The following MCM3AP variants were observed in gnomAD, a reference collection of about 807,000 sequenced individuals.
The protein encoded by MCM3AP is minichromosome maintenance complex component 3 associated protein.
MCM3AP carries 126 observed loss-of-function variants against 184.1 expected under a neutral mutation model. The ratio of observed to expected loss-of-function variants is 0.68; its 90% CI spans 0.59 to 0.79. The LOEUF is 0.79. Among genes scored for constraint, MCM3AP ranks in the 30% least tolerant of loss-of-function variants. The pLI is 0.00. For synonymous variants in MCM3AP, 1,002 were observed against 979.3 expected (o/e 1.02, Z -0.43); for missense variants, 2,496 against 2,479.2 (o/e 1.01, Z -0.14).
intron 25 of MCM3AP, chr21:46,242,463 T>TC (rs2080684366): frequency 6.0e-6 from 1 of 167,516 alleles, no homozygotes; most frequent in Non-Finnish European, 1.3e-5. Context: ...ATTACATTAA[T>TC]AGATTTTCAC....
chr21:46,260,990 C>T lies in MCM3AP; in HGVS notation c.3468-84G>A, dbSNP rs150325778. ...TTGTTTTACTCCCTGGCCACGCAGA[C>T]AGGGATTGAGGTGTGCTGCCTGAGT... is the stretch of plus-strand genomic sequence containing the variant. On this transcript the variant is annotated intron_variant, in intron 14 of 27. Coordinates refer to ENST00000291688, the MANE Select transcript of MCM3AP (RefSeq NM_003906.5). The T allele has an allele frequency of 3.4e-4, 385 of 1,143,968 alleles. 2 individuals carry two copies. In the African/African-American group the frequency reaches 5.4e-3, roughly 16 times the overall value. The allele number at this position is 1,143,968 out of a possible 1,614,324, so 70.9% of individuals were successfully genotyped here.
chr21:46,245,857 G>A (rs2123830710), intron 22 of MCM3AP, among the ~76,000 whole-genome samples: 1 of 152,102 alleles, frequency 6.6e-6, no homozygotes, highest in South Asian at 2.1e-4. Context: ...TATATTCAGA[G>A]GACAATTACC....
At chr21:46,283,537 G>A (rs1316844700) in intron 2 of MCM3AP, 78 bp downstream of exon 2, 18 of 917,176 alleles carry the variant, frequency 2.0e-5, no homozygotes, top group Non-Finnish European at 2.9e-5. Context: ...AACAACTGAG[G>A]GACCAAAAAA....
At chr21:46,261,038 C>A in intron 14 of MCM3AP, 132 bp from the exon 15 acceptor site, 1 of 825,632 alleles carries the variant, frequency 1.2e-6, no homozygotes, top group East Asian at 2.6e-5. Flanking sequence ...CCTACTCCAG[C>A]TCCCCTGACA....
chr21:46,258,732 A>AG (rs1465822355), intron 16 of MCM3AP, among the ~76,000 whole-genome samples: 7 of 63,134 alleles, frequency 1.1e-4, no homozygotes, highest in Non-Finnish European at 2.3e-4. Flanking sequence ...TTCCCCTTAT[A>AG]TTGTATGTGT....
chr21:46,243,584 G>C lies in MCM3AP; in HGVS notation c.5177C>G (p.Pro1726Arg), dbSNP rs754325133. The C allele has an allele frequency of 4.6e-5, 74 of 1,614,098 alleles. No individual in the cohort carries two copies. Among genetic ancestry groups the C allele is most frequent in the Non-Finnish European group, 1.0e-5 (12 of 1,180,056 alleles). ...GGGGCCTGCCCCATGGACTGGGGAG[G>C]GACTCTTGCTCTTCCACCTACAGTA... is the stretch of plus-strand genomic sequence containing the variant. ...RTYCRWKSKSPSPVHGAGPSV... is the reference protein window; with the variant it reads ...RTYCRWKSKSRSPVHGAGPSV... The change falls in exon 24 of 28, where the codon CCC becomes CGC. Residue 1726 changes from proline (P) to arginine (R), a missense_variant. By Grantham distance (103) the Pro-to-Arg change is moderately radical (BLOSUM62 -2). Coordinates refer to ENST00000291688, the MANE Select transcript of MCM3AP (RefSeq NM_003906.5).
At chr21:46,265,187 A>C (rs1343062313) in intron 12 of MCM3AP, 134 bp downstream of exon 12, 1 of 728,590 alleles carries the variant, frequency 1.4e-6, no homozygotes, top group Middle Eastern at 3.9e-4. Flanking sequence ...AGGCTGAGTG[A>C]CTCTAGGCAG....
chr21:46,269,680 T>C (rs1317874963), intron 9 of MCM3AP, among the ~76,000 whole-genome samples: 1 of 152,126 alleles, frequency 6.6e-6, no homozygotes, highest in Non-Finnish European at 1.5e-5. Flanking sequence ...TACGGGCTTG[T>C]GGCAAGGAAT....
Position 46,243,625 on chromosome 21 carries a change from G to A in MCM3AP, c.5136C>T (p.Asn1712=), listed in dbSNP as rs1042730707. Residue 1712 remains asparagine, a synonymous_variant, in exon 24 of 28, where the codon AAC becomes AAT. Transcript: ENST00000291688. ...TQPVLQSQVE[N]LLHRTYCRWK... is the part of the protein sequence containing the mutation. The stretch of plus-strand genomic sequence containing the variant: ...ACCTACAGTAGGTTCTGTGGAGCAG[G>A]TTCTCCACCTGGGACTGGAGGACAG... The A allele has an allele frequency of 4.3e-6, 7 of 1,614,102 alleles. No homozygotes were observed. The highest frequency in any genetic ancestry group is 2.2e-5 in the East Asian group (1 of 44,900).
chr21:46,267,360 C>T (rs2081126303), intron 9 of MCM3AP: 3 of 547,766 alleles, frequency 5.5e-6, no homozygotes, highest in South Asian at 2.4e-5. Flanking sequence ...CAAACACTCT[C>T]ATAGAGAAGG....
intron 4 of MCM3AP, among the ~76,000 whole-genome samples, chr21:46,277,975 A>AC (rs1333682721): frequency 6.6e-6 from 1 of 152,078 alleles, no homozygotes; most frequent in African/African-American, 2.4e-5. Context: ...ACATAGGGAG[A>AC]CCCCATCTCT....
At chr21:46,258,853 A>G in intron 16 of MCM3AP, 86 bp downstream of exon 16, 1 of 1,445,736 alleles carries the variant, frequency 6.9e-7, no homozygotes, top group South Asian at 1.2e-5. Context: ...CACTGAATAC[A>G]GAAACTAATA....
chr21:46,273,286 A>G, intron 7 of MCM3AP, 102 bp downstream of exon 7: 1 of 1,198,730 alleles, frequency 8.3e-7, no homozygotes, highest in Non-Finnish European at 1.2e-6. Context: ...ACAAAAGTAC[A>G]TTTTTGTTAC....
chr21:46,281,500 A>G (rs905586311), intron 2 of MCM3AP, among the ~76,000 whole-genome samples: 5 of 152,150 alleles, frequency 3.3e-5, no homozygotes, highest in African/African-American at 1.2e-4. Context: ...GAAAATAAGC[A>G]CATTGCAACA....
intron 7 of MCM3AP, 130 bp downstream of exon 7, chr21:46,273,258 A>T (rs997835392): frequency 2.1e-5 from 18 of 871,544 alleles, no homozygotes; most frequent in Non-Finnish European, 2.7e-5. Flanking sequence ...TACAGGCCTG[A>T]GCCACTGCAC....
intron 13 of MCM3AP, among the ~76,000 whole-genome samples, chr21:46,262,972 A>G (rs929800794): frequency 1.3e-5 from 2 of 149,546 alleles, no homozygotes; most frequent in African/African-American, 2.4e-5. Context: ...TCTCAAAAAA[A>G]AAAAAAAAAA....
chr21:46,254,847 G>A lies in MCM3AP; in HGVS notation c.3933-3C>T. 6.2e-7 allele frequency: 1 copy of A among 1,612,734 alleles called. No homozygotes were observed. The highest frequency in any genetic ancestry group is 8.5e-7 in the Non-Finnish European group (1 of 1,178,802). ...TCTTGTTTCTGAGCCGCCTTAACCT[G>A]CAAAGGAAAGCAGAATGACAGTGTC... On this transcript the variant is annotated splice_region_variant and splice_polypyrimidine_tract_variant and intron_variant, in intron 17 of 27. Coordinates refer to ENST00000291688, the MANE Select transcript of MCM3AP (RefSeq NM_003906.5).
chr21:46,242,637 G>T (rs550678777), intron 25 of MCM3AP, 165 bp downstream of exon 25: 1 of 586,600 alleles, frequency 1.7e-6, no homozygotes, highest in East Asian at 3.2e-5. Context: ...CTTTAACTTT[G>T]TTCTAGAATA....
chr21:46,284,758 T>TA lies in MCM3AP; in HGVS notation c.528dup (p.Thr177TyrfsTer7), dbSNP rs778126344. The TA allele has an allele frequency of 2.5e-6, 4 of 1,613,800 alleles. No individual in the cohort carries two copies. Among genetic ancestry groups the TA allele is most frequent in the South Asian group, 1.1e-5 (1 of 91,066 alleles). On this transcript the variant is annotated frameshift_variant, in exon 1 of 28. Coordinates refer to ENST00000291688, the MANE Select transcript of MCM3AP (RefSeq NM_003906.5). LOFTEE classifies it high-confidence loss of function. ...GCACTACTAATTGGGTGGGAAAATG[T>TA]AAAAAACCCAGAAGCAATTTGGCTC...
Sources: allele counts gnomAD v4.1 joint callset (sites outside exome capture counted in the v4.1 genomes callset), GRCh38; gene constraint gnomAD v4.1.1; transcripts MANE v1.5; gene names NCBI Gene and HGNC (gene_info 2026-07-23, HGNC 2026-07-21).